The following MYBPC2 variants were observed in gnomAD, a reference collection of about 807,000 sequenced individuals.
The protein encoded by MYBPC2 is myosin-binding protein C, fast-type.
MYBPC2 carries 122 observed loss-of-function variants against 137.0 expected under a neutral mutation model. That is an observed-to-expected ratio of 0.89 (90% confidence interval 0.77 to 1.03). The LOEUF is 1.03. Among genes scored for constraint, MYBPC2 ranks in the 50% least tolerant of loss-of-function variants. MYBPC2 has a pLI of 0.00. For synonymous variants in MYBPC2, 626 were observed against 612.3 expected (o/e 1.02, Z -0.33); for missense variants, 1,500 against 1,534.4 (o/e 0.98, Z 0.37).
In MYBPC2 at chr19:50,454,418, CTGTTT is replaced by C. The variant is rs770814876; in HGVS notation, c.2014+51_2014+55del. ...CTCTGACCTTCCCTCTTTCTGCCTTCTGTTTTTTTTTTTTTTTTTTTTTTTGAGAT... is the reference window on the plus strand; with the variant it reads ...CTCTGACCTTCCCTCTTTCTGCCTTCTTTTTTTTTTTTTTTTTTTTGAGAT... On this transcript the variant is annotated intron_variant, in intron 18 of 27. Transcript: ENST00000357701. The C allele has an allele frequency of 1.3e-3, 1,010 of 795,086 alleles. 1 individual carries two copies. The highest frequency in any genetic ancestry group is 3.4e-3 in the Admixed American group (96 of 28,064). The allele number at this position is 795,086 out of a possible 1,614,324, so 49.3% of individuals were successfully genotyped here.
rs760695078 is a variant in MYBPC2 at position 50,436,168 on chromosome 19, C to G, written c.345+8C>G. ...CACAACTCCGCCAGCAATGTGAGGA[C>G]CCCGTGGGCCAGAGGGCTGGTGGAG... On this transcript the variant is annotated splice_region_variant and intron_variant, in intron 4 of 27. Transcript: ENST00000357701. 2.5e-6 allele frequency: 4 copies of G among 1,578,634 alleles called. No individual in the cohort carries two copies. The highest frequency in any genetic ancestry group is 1.8e-5 in the Admixed American group (1 of 54,572).
chr19:50,459,254 C>A lies in MYBPC2; in HGVS notation c.2739C>A (p.Ser913Arg). 1 of 1,610,898 alleles carries A rather than the reference C, an allele frequency of 6.2e-7. No individual in the cohort carries two copies. Among genetic ancestry groups the A allele is most frequent in the East Asian group, 2.2e-5 (1 of 44,700 alleles). ...CCGACTCCGGGGAGTACGAGCTGAG[C>A]GTGCAGATCGAGAACATGAAGGACA... ...ARSDSGEYEL[S>R]VQIENMKDTA... is the part of the protein sequence containing the mutation. The change falls in exon 23 of 28, where the codon AGC becomes AGA. Residue 913 changes from serine (S) to arginine (R), a missense_variant. Physicochemically the swap from Ser to Arg is moderately radical, Grantham distance 110. Coordinates refer to ENST00000357701, the MANE Select transcript of MYBPC2 (RefSeq NM_004533.4).
At position 50,459,132 on chromosome 19, in the gene MYBPC2, G is replaced by T. The variant is rs1474323385; in HGVS notation, c.2617G>T (p.Val873Leu). ...GCAGGGAAAGCCCCGGCCCCAGGTG[G>T]TGTGGACCAAGGGCGGGGCCCCGCT... ...PFQGKPRPQV[V>L]WTKGGAPLDT... The change falls in exon 23 of 28, where the codon GTG becomes TTG. Residue 873 changes from valine to leucine, a missense_variant. Physicochemically the swap from Val to Leu is conservative, Grantham distance 32 (BLOSUM62 1). Transcript: ENST00000357701. 1.3e-6 allele frequency: 2 copies of T among 1,576,666 alleles called. No individual in the cohort carries two copies. The highest frequency in any genetic ancestry group is 1.7e-6 in the Non-Finnish European group (2 of 1,163,428).
At position 50,459,235 on chromosome 19, in the gene MYBPC2, C is replaced by G; in HGVS notation, c.2720C>G (p.Ser907Cys). Residue 907 changes from serine (S) to cysteine (C), a missense_variant, in exon 23 of 28, where the codon TCC becomes TGC. Physicochemically the swap from Ser to Cys is moderately radical, Grantham distance 112 (BLOSUM62 -1). Coordinates refer to ENST00000357701, the MANE Select transcript of MYBPC2 (RefSeq NM_004533.4). ...FFVRQAARSD[S>C]GEYELSVQIE... Reference sequence around the variant, plus strand: ...GTGCGCCAGGCGGCCCGCTCCGACTCCGGGGAGTACGAGCTGAGCGTGCAG... The same window carrying G: ...GTGCGCCAGGCGGCCCGCTCCGACTGCGGGGAGTACGAGCTGAGCGTGCAG... 1 of 1,611,438 alleles carries G rather than the reference C, an allele frequency of 6.2e-7. No homozygotes were observed. The highest frequency in any genetic ancestry group is 2.2e-5 in the East Asian group (1 of 44,718).
At chr19:50,440,830 C>T (rs765894733) in intron 7 of MYBPC2, 50 bp from the exon 8 acceptor site, 1 of 1,536,464 alleles carries the variant, frequency 6.5e-7, no homozygotes, top group South Asian at 1.2e-5. Flanking sequence ...AGAGGGACAT[C>T]CTCCCTTCCT....
chr19:50,439,688 T>C (rs1429632105), intron 7 of MYBPC2, among the ~76,000 whole-genome samples: 1 of 152,190 alleles, frequency 6.6e-6, no homozygotes, highest in East Asian at 1.9e-4. Context: ...GGTCCTGGGC[T>C]GAGATCCAGG....
At position 50,459,188 on chromosome 19, in the gene MYBPC2, C is replaced by A. The variant is rs568062384; in HGVS notation, c.2673C>A (p.Ser891Arg). 1.9e-6 allele frequency: 3 copies of A among 1,608,702 alleles called. No homozygotes were observed. The highest frequency in any genetic ancestry group is 2.2e-5 in the South Asian group (2 of 90,392). The change falls in exon 23 of 28, where the codon AGC becomes AGA. Residue 891 changes from serine (S) to arginine (R), a missense_variant. Ser to Arg is a moderately radical substitution (Grantham distance 110). Transcript: ENST00000357701. ...CCTCCCGCGTGCACGTGCGGACCAGCGACTTCGACACCGTGTTCTTCGTGC... is the reference window on the plus strand; with the variant it reads ...CCTCCCGCGTGCACGTGCGGACCAGAGACTTCGACACCGTGTTCTTCGTGC... Reference protein sequence around the residue: ...LDTSRVHVRTSDFDTVFFVRQ... With the variant: ...LDTSRVHVRTRDFDTVFFVRQ...
chr19:50,457,575 G>T (rs1332700326), intron 20 of MYBPC2, among the ~76,000 whole-genome samples: 1 of 152,166 alleles, frequency 6.6e-6, no homozygotes, highest in African/African-American at 2.4e-5. Flanking sequence ...CAGAGCCTGA[G>T]CTGCGTGTCC....
intron 26 of MYBPC2, among the ~76,000 whole-genome samples, chr19:50,463,720 C>T (rs568527463): frequency 3.3e-5 from 5 of 152,194 alleles, no homozygotes; most frequent in Admixed American, 2.6e-4. Context: ...GGGCAGATCA[C>T]CTGAGGTCAG....
At chr19:50,464,720 C>T (rs760101118) in intron 27 of MYBPC2, among the ~76,000 whole-genome samples, 188 bp downstream of exon 27, 6 of 152,116 alleles carry the variant, frequency 3.9e-5, no homozygotes, top group Admixed American at 6.5e-5. Context: ...TTGGGGAGCC[C>T]CTGACCCAGC....
chr19:50,447,311 A>G (rs1300794750), intron 12 of MYBPC2, among the ~76,000 whole-genome samples: 1 of 152,076 alleles, frequency 6.6e-6, no homozygotes, highest in African/African-American at 2.4e-5. Flanking sequence ...ACGGGACTCT[A>G]TGTGCTATTT....
rs578109004 is a variant in MYBPC2 at position 50,449,878 on chromosome 19, G to A, written c.1473-951G>A. ...GGTCTCAGTAATGATGATAATGGCC[G>A]GGCATGGTGGCTCACACCTATAATC... is the stretch of plus-strand genomic sequence containing the variant. On this transcript the variant is annotated intron_variant, in intron 13 of 27. Coordinates refer to ENST00000357701, the MANE Select transcript of MYBPC2 (RefSeq NM_004533.4). Among the ~76,000 whole-genome samples, 8 of 152,160 alleles carry A rather than the reference G, an allele frequency of 5.3e-5. No individual in the cohort carries two copies. The East Asian group carries it at 9.6e-4, about 18-fold the overall frequency.
intron 26 of MYBPC2, among the ~76,000 whole-genome samples, chr19:50,463,499 C>T (rs1601300042): frequency 6.6e-6 from 1 of 151,768 alleles, no homozygotes; most frequent in African/African-American, 2.4e-5. Flanking sequence ...AGCACTGTTT[C>T]GTGCTCTCAT....
Position 50,448,281 on chromosome 19 carries a change from C to A in MYBPC2, c.1363C>A (p.Gln455Lys). 4 of 1,613,896 alleles carry A rather than the reference C, an allele frequency of 2.5e-6. No homozygotes were observed. Among genetic ancestry groups the A allele is most frequent in the Non-Finnish European group, 2.5e-6 (3 of 1,179,820 alleles). The change falls in exon 13 of 28, where the codon CAA (glutamine) becomes AAA (lysine). Residue 455 changes from glutamine to lysine, a missense_variant. Transcript: ENST00000357701. Reference protein sequence around the residue: ...IADLTVKASEQAVFKCEVSDE... With the variant: ...IADLTVKASEKAVFKCEVSDE... The stretch of plus-strand genomic sequence containing the variant: ...GGATCTGACGGTGAAGGCCTCAGAA[C>A]AAGCTGTGTTCAAGTGCGAGGTGTC...
Position 50,435,215 on chromosome 19 carries a change from C to T in MYBPC2, c.74C>T (p.Ala25Val). The change falls in exon 2 of 28, where the codon GCT becomes GTT. Residue 25 changes from alanine to valine, a missense_variant. Physicochemically the swap from Ala to Val is moderately conservative, Grantham distance 64. Transcript: ENST00000357701. The surrounding 1 kb of genome is among the most constrained non-coding windows in gnomAD (Gnocchi z 4.8). Reference sequence around the variant, plus strand: ...GCCCCCAAAGGAGCCCCCAAGGAGGCTCCCCCTAAGGAGGCTCCTGCAGAG... The same window carrying T: ...GCCCCCAAAGGAGCCCCCAAGGAGGTTCCCCCTAAGGAGGCTCCTGCAGAG... ...KDAPKGAPKE[A>V]PPKEAPAEAP... 3 of 1,344,960 alleles carry T rather than the reference C, an allele frequency of 2.2e-6. No homozygotes were observed. The highest frequency in any genetic ancestry group is 3.2e-6 in the Non-Finnish European group (3 of 941,810). 83.3% of individuals were successfully genotyped at this position (1,344,960 alleles called of 1,614,324 possible).
intron 15 of MYBPC2, 106 bp downstream of exon 15, chr19:50,451,415 C>T (rs1370540183): frequency 1.1e-5 from 5 of 466,150 alleles, no homozygotes; most frequent in Non-Finnish European, 1.7e-5. Context: ...GAAGGATGGG[C>T]GGGGTGCGGG....
In MYBPC2 at chr19:50,435,218, C is replaced by A. The variant is rs548457408; in HGVS notation, c.77C>A (p.Pro26His). 1.5e-6 allele frequency: 2 copies of A among 1,331,294 alleles called. No homozygotes were observed. The highest frequency in any genetic ancestry group is 1.2e-5 in the South Asian group (1 of 82,640). 82.5% of individuals were successfully genotyped at this position (1,331,294 alleles called of 1,614,324 possible). A position where few individuals can be genotyped will look rare whatever the true frequency, so the allele number is the denominator to read the frequency against. Residue 26 changes from proline (P) to histidine (H), a missense_variant, in exon 2 of 28, where the codon CCC (proline) becomes CAC (histidine). Coordinates refer to ENST00000357701, the MANE Select transcript of MYBPC2 (RefSeq NM_004533.4). The surrounding 1 kb of genome is among the most constrained non-coding windows in gnomAD (Gnocchi z 4.8). ...CCCAAAGGAGCCCCCAAGGAGGCTC[C>A]CCCTAAGGAGGCTCCTGCAGAGGCC... ...DAPKGAPKEA[P>H]PKEAPAEAPK...
At chr19:50,447,492 G>C (rs927220387) in intron 12 of MYBPC2, among the ~76,000 whole-genome samples, 1 of 152,092 alleles carries the variant, frequency 6.6e-6, no homozygotes, top group African/African-American at 2.4e-5. Flanking sequence ...TCTTTGTGAG[G>C]CCGAGGTGGG....
rs1305053163 is a variant in MYBPC2, at chr19:50,432,897, C to T, written c.-57C>T. 13 of 1,589,334 alleles carry T rather than the reference C, an allele frequency of 8.2e-6. No homozygotes were observed. The highest frequency in any genetic ancestry group is 3.5e-5 in the Admixed American group (2 of 57,156). ...CTCCCCTTAGGGGCCCACCTGTCCT[C>T]CCTAGGGCCTAGCGGGACGCGGCTG... On this transcript the variant is annotated 5_prime_UTR_variant, in exon 1 of 28. Coordinates refer to ENST00000357701, the MANE Select transcript of MYBPC2 (RefSeq NM_004533.4). The surrounding 1 kb of genome is among the most constrained non-coding windows in gnomAD (Gnocchi z 5.5).
Sources: gnomAD v4.1 joint callset for allele counts (sites outside exome capture counted in the v4.1 genomes callset) on GRCh38, gnomAD v4.1.1 for gene constraint, Gnocchi (gnomAD v3.1) non-coding constraint, MANE v1.5 for transcripts, NCBI Gene and HGNC (gene_info 2026-07-23, HGNC 2026-07-21) for gene names.